Variants in SLC38A9 observed in about 807,000 individuals in gnomAD.
SLC38A9 encodes the protein solute carrier family 38 member 9.
In SLC38A9, 48 loss-of-function variants were observed where a neutral mutation model predicts 62.3. That is an observed-to-expected ratio of 0.77 (90% CI 0.61 to 0.98). The LOEUF is 0.98. Ranked by LOEUF, SLC38A9 falls within the 50% of genes least tolerant of loss-of-function variation. The pLI is 0.00. For synonymous variants in SLC38A9, 204 were observed against 227.7 expected (o/e 0.90, Z 0.94); for missense variants, 541 against 679.8 (o/e 0.80, Z 2.27).
chr5:55,660,294 T>A (rs1480970378), intron 8 of SLC38A9, among the ~76,000 whole-genome samples: 1 of 151,894 alleles, frequency 6.6e-6, no homozygotes, highest in Non-Finnish European at 1.5e-5. Flanking sequence ...TTGCCTGTAG[T>A]CTCAGCTACT....
At chr5:55,645,207 T>C (rs1746131067) in intron 12 of SLC38A9, among the ~76,000 whole-genome samples, 1 of 152,122 alleles carries the variant, frequency 6.6e-6, no homozygotes, top group Non-Finnish European at 1.5e-5. Context: ...ACTATAGGCA[T>C]GTGCTACCAA....
intron 9 of SLC38A9, among the ~76,000 whole-genome samples, chr5:55,655,848 T>A (rs1748314010): frequency 6.6e-6 from 1 of 152,198 alleles, no homozygotes; most frequent in Admixed American, 6.5e-5. Context: ...ACAGCATAAC[T>A]GTTACCAAAG....
intron 9 of SLC38A9, among the ~76,000 whole-genome samples, chr5:55,654,674 C>T (rs1051760412): frequency 1.3e-5 from 2 of 152,008 alleles, no homozygotes; most frequent in Non-Finnish European, 2.9e-5. Flanking sequence ...AATCCCAACT[C>T]TGCCACTTAA....
At chr5:55,691,437 G>T in intron 3 of SLC38A9, 3 of 1,017,850 alleles carry the variant, frequency 2.9e-6, no homozygotes, top group Non-Finnish European at 3.8e-6. Context: ...GAAATCCCTA[G>T]GCCCTGGGGA....
intron 11 of SLC38A9, among the ~76,000 whole-genome samples, chr5:55,647,038 T>C (rs1188906244): frequency 6.6e-6 from 1 of 152,140 alleles, no homozygotes; most frequent in African/African-American, 2.4e-5. Flanking sequence ...ACATGAGCCA[T>C]TGTGCCTGGC....
Position 55,626,385 on chromosome 5 carries a change from G to C in SLC38A9, c.*109C>G. 9.9e-7 allele frequency: 1 copy of C among 1,005,460 alleles called. No homozygotes were observed. Among genetic ancestry groups the C allele is most frequent in the Non-Finnish European group, 1.4e-6 (1 of 694,942 alleles). 62.3% of individuals were successfully genotyped at this position (1,005,460 alleles called of 1,614,324 possible). ...TTTCCCTTGCTTTCAAATTATCTTAGAAAATATTTAGAATTACACAACAGC... is the reference window on the plus strand; with the variant it reads ...TTTCCCTTGCTTTCAAATTATCTTACAAAATATTTAGAATTACACAACAGC... On this transcript the variant is annotated 3_prime_UTR_variant, in exon 16 of 16. Transcript: ENST00000396865.
chr5:55,636,457 G>T (rs1233926367), intron 12 of SLC38A9, among the ~76,000 whole-genome samples: 1 of 152,198 alleles, frequency 6.6e-6, no homozygotes, highest in African/African-American at 2.4e-5. Context: ...CACCACTGAA[G>T]TTATGGCCAA....
chr5:55,644,884 C>T (rs1227407557), intron 12 of SLC38A9, among the ~76,000 whole-genome samples: 1 of 150,916 alleles, frequency 6.6e-6, no homozygotes, highest in Non-Finnish European at 1.5e-5. Flanking sequence ...CACCCCACAA[C>T]AGTCCCCAGA....
intron 3 of SLC38A9, chr5:55,694,218 A>G: frequency 3.6e-6 from 1 of 277,506 alleles, no homozygotes; most frequent in Non-Finnish European, 7.4e-6. Flanking sequence ...AAAAAAAAAA[A>G]AAAAAATCAC....
At position 55,649,295 on chromosome 5, in the gene SLC38A9, A is replaced by G. The variant is rs753602315; in HGVS notation, c.972T>C (p.Tyr324=). 2.5e-6 allele frequency: 4 copies of G among 1,604,012 alleles called. No homozygotes were observed. The highest frequency in any genetic ancestry group is 3.4e-6 in the Non-Finnish European group (4 of 1,176,360). ...FNILGTVSVL[Y]LIFLVTFKAV... is the part of the protein sequence containing the mutation. The stretch of plus-strand genomic sequence containing the variant: ...CCTTAAAGGTGACAAGGAAAATCAA[A>G]TAAAGGACAGACACTGTGCCTGTGA... The change falls in exon 11 of 16, where the codon TAT becomes TAC. Residue 324 remains tyrosine, a synonymous_variant. Transcript: ENST00000396865.
chr5:55,702,344 C>G (rs554301040), intron 2 of SLC38A9, among the ~76,000 whole-genome samples: 1 of 151,806 alleles, frequency 6.6e-6, no homozygotes, highest in African/African-American at 2.4e-5. Flanking sequence ...TCACTGCAGC[C>G]GCGACCTCTT....
Position 55,688,887 on chromosome 5 carries a change from A to G in SLC38A9, c.113+8959T>C, listed in dbSNP as rs146725991. ...AGGCATAGCTACACTCAAAGACATA[A>G]TAAAGAAGGCCAATGCTTGCCTCTA... On this transcript the variant is annotated intron_variant, in intron 3 of 15. Coordinates refer to ENST00000396865, the MANE Select transcript of SLC38A9 (RefSeq NM_173514.4). Among the ~76,000 whole-genome samples, 1,034 of 152,308 alleles carry G rather than the reference A, an allele frequency of 6.8e-3. 12 individuals carry two copies. The highest frequency in any genetic ancestry group is 0.024 in the African/African-American group (996 of 41,572).
chr5:55,637,561 C>T (rs188990032), intron 12 of SLC38A9, among the ~76,000 whole-genome samples: 1 of 152,222 alleles, frequency 6.6e-6, no homozygotes, highest in Admixed American at 6.5e-5. Flanking sequence ...GTGTCTGTAC[C>T]ACAAGACTCT....
In SLC38A9 at chr5:55,707,450, T is replaced by C. The variant is rs1757434985; in HGVS notation, c.-35+4002A>G. ...CAGCCTGGCCAACATAGTGAAACCC[T>C]GTCTCTACTAAAAGTACAAAAATTA... is the stretch of plus-strand genomic sequence containing the variant. On this transcript the variant is annotated intron_variant, in intron 2 of 15. Coordinates refer to ENST00000396865, the MANE Select transcript of SLC38A9 (RefSeq NM_173514.4). 2.6e-5 allele frequency among the ~76,000 whole-genome samples: 4 copies of C among 152,260 alleles called. No homozygotes were observed. The South Asian group carries it at 8.3e-4, about 32-fold the overall frequency.
At chr5:55,662,584 C>T (rs1415509886) in intron 8 of SLC38A9, among the ~76,000 whole-genome samples, 1 of 151,208 alleles carries the variant, frequency 6.6e-6, no homozygotes, top group Non-Finnish European at 1.5e-5. Flanking sequence ...GCAGGAGAAT[C>T]GCTTGAACCT....
chr5:55,653,809 C>T (rs952005178), intron 9 of SLC38A9, among the ~76,000 whole-genome samples: 7 of 152,060 alleles, frequency 4.6e-5, no homozygotes, highest in African/African-American at 1.7e-4. Context: ...CAGGCGCATG[C>T]CACCATGCCC....
At chr5:55,676,961 A>G (rs1752191188) in intron 3 of SLC38A9, among the ~76,000 whole-genome samples, 1 of 152,222 alleles carries the variant, frequency 6.6e-6, no homozygotes, top group Non-Finnish European at 1.5e-5. Context: ...AAAAACTCCC[A>G]TCTGCAATTT....
At chr5:55,656,580 A>G in intron 9 of SLC38A9, 135 bp downstream of exon 9, 1 of 648,876 alleles carries the variant, frequency 1.5e-6, no homozygotes, top group Non-Finnish European at 2.7e-6. Context: ...CACTACCAAC[A>G]ATTTAGTAGC....
chr5:55,651,216 T>G (rs1313626628), intron 10 of SLC38A9, among the ~76,000 whole-genome samples: 13 of 109,094 alleles, frequency 1.2e-4, no homozygotes, highest in African/African-American at 3.9e-4. Flanking sequence ...TAGCCAGATC[T>G]GAACTTTCAC....
Sources: gnomAD v4.1 joint callset for allele counts (sites outside exome capture counted in the v4.1 genomes callset) on GRCh38, gnomAD v4.1.1 for gene constraint, MANE v1.5 for transcripts, NCBI Gene and HGNC (gene_info 2026-07-23, HGNC 2026-07-21) for gene names.